The following PDE9A variants were observed in gnomAD, a reference collection of about 807,000 sequenced individuals.
The protein encoded by PDE9A is phosphodiesterase 9A, also known as high affinity cGMP-specific 3',5'-cyclic phosphodiesterase 9A.
In PDE9A, 60 loss-of-function variants were observed where a neutral mutation model predicts 87.4. The ratio of observed to expected loss-of-function variants is 0.69; its 90% CI spans 0.56 to 0.85. The LOEUF is 0.85. PDE9A is among the 40% of genes least tolerant of loss of function. The pLI is 0.00. For missense variants in PDE9A, 665 were observed against 779.0 expected, an observed-to-expected ratio of 0.85 and a Z score of 1.74; for synonymous variants, 272 against 279.4, an observed-to-expected ratio of 0.97 and a Z score of 0.27.
At chr21:42,767,851 G>A (rs879560065) in intron 15 of PDE9A, among the ~76,000 whole-genome samples, 2 of 152,176 alleles carry the variant, frequency 1.3e-5, no homozygotes, top group Non-Finnish European at 2.9e-5. Flanking sequence ...TGGCCAAGCT[G>A]AGACAGAGCT....
chr21:42,705,161 G>A lies in PDE9A; in HGVS notation c.262+6150G>A, dbSNP rs533469619. On this transcript the variant is annotated intron_variant, in intron 4 of 19. Coordinates refer to ENST00000291539, the MANE Select transcript of PDE9A (RefSeq NM_002606.3). This position sits in a 1 kb window ranked among gnomAD's most constrained non-coding sequence, Gnocchi z 4.3. ...GGTCTGTGTTCACCAAGCATCTTCTGTAGAAAAATGCTCTCTTCGCCTGAT... is the reference window on the plus strand; with the variant it reads ...GGTCTGTGTTCACCAAGCATCTTCTATAGAAAAATGCTCTCTTCGCCTGAT... Among the ~76,000 whole-genome samples the A allele has an allele frequency of 6.6e-6, 1 of 152,290 alleles. No individual in the cohort carries two copies. The highest frequency in any genetic ancestry group is 1.9e-4 in the East Asian group (1 of 5,182).
rs949341518 is a variant in PDE9A, at chr21:42,705,064, C to G, written c.262+6053C>G. 4.6e-5 allele frequency among the ~76,000 whole-genome samples: 7 copies of G among 152,188 alleles called. No homozygotes were observed. The highest frequency in any genetic ancestry group is 1.7e-4 in the African/African-American group (7 of 41,436). ...GACTTCTCTGGAGCGGTGAACAGCT[C>G]CTGCCAGGAAAGAGCATGGCACAGC... On this transcript the variant is annotated intron_variant, in intron 4 of 19. Coordinates refer to ENST00000291539, the MANE Select transcript of PDE9A (RefSeq NM_002606.3). The surrounding 1 kb of genome is among the most constrained non-coding windows in gnomAD (Gnocchi z 4.3).
chr21:42,749,862 G>A (rs2054238624), intron 8 of PDE9A, among the ~76,000 whole-genome samples: 1 of 152,284 alleles, frequency 6.6e-6, no homozygotes, highest in African/African-American at 2.4e-5. Context: ...AAGGGGCTGG[G>A]CGCAGTGGCT....
At chr21:42,738,730 C>A (rs1447307807) in intron 7 of PDE9A, among the ~76,000 whole-genome samples, 2 of 152,162 alleles carry the variant, frequency 1.3e-5, no homozygotes, top group East Asian at 3.9e-4. Flanking sequence ...CACTTTAATG[C>A]AGTGGAGTGC....
intron 16 of PDE9A, chr21:42,768,810 C>G (rs985840319): frequency 2.0e-6 from 2 of 985,348 alleles, no homozygotes; most frequent in Non-Finnish European, 2.4e-6. Context: ...TCACCTCTGC[C>G]TATCTCTCAG....
chr21:42,744,356 A>G (rs2053624502), intron 8 of PDE9A, among the ~76,000 whole-genome samples: 2 of 151,644 alleles, frequency 1.3e-5, no homozygotes, highest in African/African-American at 4.8e-5. Context: ...CTCTGTCTCA[A>G]GAAAAAAAGA....
chr21:42,691,428 A>G (rs1426706706), intron 3 of PDE9A, among the ~76,000 whole-genome samples: 1 of 150,582 alleles, frequency 6.6e-6, no homozygotes, highest in Non-Finnish European at 1.5e-5. Context: ...CATCAAAGTC[A>G]CCAGCCCCAT....
chr21:42,729,154 A>T (rs2051458095), intron 4 of PDE9A, among the ~76,000 whole-genome samples: 1 of 152,188 alleles, frequency 6.6e-6, no homozygotes, highest in African/African-American at 2.4e-5. Flanking sequence ...GGGAGTTTTT[A>T]AATTACAAAT....
rs558779472 is a variant in PDE9A at position 42,750,588 on chromosome 21, T to C, written c.654-528T>C. 4.0e-5 allele frequency among the ~76,000 whole-genome samples: 6 copies of C among 151,504 alleles called. No individual in the cohort carries two copies. In the East Asian group the frequency reaches 1.2e-3, roughly 30 times the overall value. The stretch of plus-strand genomic sequence containing the variant: ...ACTTTTTTTTCTTTTTTTTTTGAGA[T>C]GGAGTTTCGCTCTTGTTGCCCAGAC... On this transcript the variant is annotated intron_variant, in intron 8 of 19. Transcript: ENST00000291539.
rs2059912913 is a variant in PDE9A at position 42,692,659 on chromosome 21, C to T, written c.218+4665C>T. On this transcript the variant is annotated intron_variant, in intron 3 of 19. Transcript: ENST00000291539. The surrounding 1 kb of genome is among the most constrained non-coding windows in gnomAD (Gnocchi z 4.3). ...CCCAGTGAGGAGGACGAGGCTGGCC[C>T]GGGACACGCCACTGATGCTCTTCTG... Among the ~76,000 whole-genome samples the T allele has an allele frequency of 6.6e-6, 1 of 152,058 alleles. No individual in the cohort carries two copies. The highest frequency in any genetic ancestry group is 1.5e-5 in the Non-Finnish European group (1 of 68,002).
rs1177309654 is a variant in PDE9A at position 42,723,053 on chromosome 21, A to G, written c.263-8717A>G. ...ACACGGAGGCAGCCGTGTGAACACC[A>G]TGAGGCAGGGTGTCCATCCTGCCAC... On this transcript the variant is annotated intron_variant, in intron 4 of 19. Coordinates refer to ENST00000291539, the MANE Select transcript of PDE9A (RefSeq NM_002606.3). The surrounding 1 kb of genome is among the most constrained non-coding windows in gnomAD (Gnocchi z 4.3). 6.6e-6 allele frequency among the ~76,000 whole-genome samples: 1 copy of G among 152,204 alleles called. No individual in the cohort carries two copies. The highest frequency in any genetic ancestry group is 1.5e-5 in the Non-Finnish European group (1 of 68,018).
In PDE9A at chr21:42,770,775, C is replaced by T. The variant is rs773285023; in HGVS notation, c.1663C>T (p.Arg555Trp). 2.2e-5 allele frequency: 36 copies of T among 1,613,628 alleles called. No homozygotes were observed. The Middle Eastern group carries it at 4.9e-4, about 22-fold the overall frequency. Residue 555 changes from arginine (R) to tryptophan (W), a missense_variant, in exon 18 of 20, where the codon CGG (arginine) becomes TGG (tryptophan). Arg to Trp is a moderately radical substitution (Grantham distance 101). Coordinates refer to ENST00000291539, the MANE Select transcript of PDE9A (RefSeq NM_002606.3). The part of the protein sequence containing the change: ...ESRDRYEELK[R>W]IDDAMKELQK... ...CCGAGATCGCTACGAGGAGCTGAAG[C>T]GGATAGATGACGCCATGAAAGAGGT...
chr21:42,653,946 CGGCGG>C, intron 1 of PDE9A, 63 bp downstream of exon 1: 1 of 1,015,268 alleles, frequency 9.8e-7, no homozygotes, highest in Non-Finnish European at 1.5e-6. Context: ...GGGCCGGGCG[CGGCGG>C]GGCGGGACTG....
chr21:42,742,287 C>T (rs571723768), intron 7 of PDE9A, among the ~76,000 whole-genome samples: 1 of 152,178 alleles, frequency 6.6e-6, no homozygotes, highest in African/African-American at 2.4e-5. Context: ...GCCATTCACC[C>T]AGTGCCGGCT....
chr21:42,773,179 T>C (rs535006700), intron 19 of PDE9A, among the ~76,000 whole-genome samples: 2 of 148,356 alleles, frequency 1.3e-5, no homozygotes, highest in South Asian at 4.3e-4. Flanking sequence ...GGAGAGTCAC[T>C]TGAACCTGGG....
rs8132763 is a variant in PDE9A, at chr21:42,704,018, G to C, written c.262+5007G>C. On this transcript the variant is annotated intron_variant, in intron 4 of 19. Transcript: ENST00000291539. This position sits in a 1 kb window ranked among gnomAD's most constrained non-coding sequence, Gnocchi z 5.3. ...AGCATTCGGCCCAGGCTGTGATCTC[G>C]AGAAGGTGGTCAGGGCCCAGGCTCC... Among the ~76,000 whole-genome samples the C allele has an allele frequency of 2.0e-5, 3 of 152,114 alleles. No homozygotes were observed. The highest frequency in any genetic ancestry group is 4.4e-5 in the Non-Finnish European group (3 of 68,000).
rs551460811 is a variant in PDE9A at position 42,723,227 on chromosome 21, G to A, written c.263-8543G>A. On this transcript the variant is annotated intron_variant, in intron 4 of 19. Coordinates refer to ENST00000291539, the MANE Select transcript of PDE9A (RefSeq NM_002606.3). The surrounding 1 kb of genome is among the most constrained non-coding windows in gnomAD (Gnocchi z 4.3). Reference sequence around the variant, plus strand: ...CTGCTGCAAACCCATGGCCCAAAGCGGACCTGATCCGGCAGCATCTAAAAA... The same window carrying A: ...CTGCTGCAAACCCATGGCCCAAAGCAGACCTGATCCGGCAGCATCTAAAAA... 2.0e-5 allele frequency among the ~76,000 whole-genome samples: 3 copies of A among 152,370 alleles called. No individual in the cohort carries two copies. Among genetic ancestry groups the A allele is most frequent in the Admixed American group, 1.3e-4 (2 of 15,306 alleles).
chr21:42,663,444 G>A (rs2057743457), intron 1 of PDE9A, among the ~76,000 whole-genome samples: 2 of 152,348 alleles, frequency 1.3e-5, no homozygotes, highest in South Asian at 4.1e-4. Flanking sequence ...CGGAGGGAGG[G>A]CAGAAGGCAC....
intron 1 of PDE9A, among the ~76,000 whole-genome samples, chr21:42,670,778 GAC>G (rs2058516324): frequency 6.6e-6 from 1 of 151,396 alleles, no homozygotes; most frequent in African/African-American, 2.4e-5. Context: ...CATACACTCT[GAC>G]ACACATATAC....
Sources: gnomAD v4.1 joint callset for allele counts (sites outside exome capture counted in the v4.1 genomes callset) on GRCh38, gnomAD v4.1.1 for gene constraint, Gnocchi (gnomAD v3.1) non-coding constraint, MANE v1.5 for transcripts, NCBI Gene and HGNC (gene_info 2026-07-23, HGNC 2026-07-21) for gene names.